GCM1: variants seen among roughly 807,000 people sequenced by gnomAD.
GCM1 encodes the protein GCM transcription factor 1.
A neutral mutation model predicts 25.7 loss-of-function variants in GCM1; 2 were observed. The ratio of observed to expected loss-of-function variants is 0.08; its 90% CI spans 0.03 to 0.24. The LOEUF (loss-of-function observed/expected upper bound fraction) is 0.24, where lower values mean the gene tolerates loss of function less well. GCM1 is among the 10% of genes least tolerant of loss of function. The probability of loss-of-function intolerance (pLI) is 1.00; values close to 1 mark genes in which losing one functional copy is unlikely to be tolerated. For missense variants in GCM1, 395 were observed against 538.7 expected, an observed-to-expected ratio of 0.73 and a Z score of 2.64; for synonymous variants, 183 against 195.7, an observed-to-expected ratio of 0.94 and a Z score of 0.54.
Position 53,128,792 on chromosome 6 carries a change from T to C in GCM1, c.725A>G (p.Tyr242Cys), listed in dbSNP as rs1763684168. 6.2e-7 allele frequency: 1 copy of C among 1,612,972 alleles called. No homozygotes were observed. The highest frequency in any genetic ancestry group is 8.5e-7 in the Non-Finnish European group (1 of 1,178,942). ...LNDCFSFSKSYGLGGITDLTD... is the reference protein window; with the variant it reads ...LNDCFSFSKSCGLGGITDLTD... ...CAGATCTGTGATTCCTCCCAGACCA[T>C]AACTCTTGGAGAAGGAAAAGCAATC... Residue 242 changes from tyrosine to cysteine, a missense_variant, in exon 6 of 6, where the codon TAT (tyrosine) becomes TGT (cysteine). Coordinates refer to ENST00000259803, the MANE Select transcript of GCM1 (RefSeq NM_003643.4).
chr6:53,146,816 T>A (rs1763964151), intron 1 of GCM1, among the ~76,000 whole-genome samples: 1 of 152,110 alleles, frequency 6.6e-6, no homozygotes, highest in South Asian at 2.1e-4. Context: ...ATGTATCACT[T>A]AAGTCTATGA....
In GCM1 at chr6:53,128,898, A is replaced by G. The variant is rs1763687074; in HGVS notation, c.619T>C (p.Ser207Pro). ...GGCAATTGGACGCCTTCCTGGAAAG[A>G]CCAAGTTAAAGGTAAACTCCCCTGA... Reference protein sequence around the residue: ...QSQGSLPLTWSFQEGVQLPGS... With the variant: ...QSQGSLPLTWPFQEGVQLPGS... Residue 207 changes from serine (S) to proline (P), a missense_variant, in exon 6 of 6, where the codon TCT (serine) becomes CCT (proline). Around this residue, in one of 5 missense-constraint regions of GCM1, gnomAD observed 291 missense variants for 314.6 expected, o/e 0.92. Transcript: ENST00000259803. The G allele has an allele frequency of 6.2e-7, 1 of 1,613,040 alleles. No individual in the cohort carries two copies. Among genetic ancestry groups the G allele is most frequent in the Admixed American group, 1.7e-5 (1 of 59,996 alleles).
At position 53,130,838 on chromosome 6, in the gene GCM1, C is replaced by T. The variant is rs199724971; in HGVS notation, c.535G>A (p.Val179Ile). Reference protein sequence around the residue: ...MKKVNTAPSSVSLSLKGSTET... With the variant: ...MKKVNTAPSSISLSLKGSTET... Reference sequence around the variant, plus strand: ...GTGCTCCCCTTCAGGCTCAATGAGACGGAGGAAGGTGCTGTGTTCACTTTC... The same window carrying T: ...GTGCTCCCCTTCAGGCTCAATGAGATGGAGGAAGGTGCTGTGTTCACTTTC... The change falls in exon 5 of 6, where the codon GTC becomes ATC. Residue 179 changes from valine to isoleucine, a missense_variant. Physicochemically the swap from Val to Ile is conservative, Grantham distance 29 (BLOSUM62 3). Around this residue, in one of 5 missense-constraint regions of GCM1, gnomAD observed 291 missense variants for 314.6 expected, o/e 0.92. Coordinates refer to ENST00000259803, the MANE Select transcript of GCM1 (RefSeq NM_003643.4). 352 of 1,613,796 alleles carry T rather than the reference C, an allele frequency of 2.2e-4. 1 individual carries two copies. The highest frequency in any genetic ancestry group is 4.5e-4 in the South Asian group (41 of 91,076).
Position 53,134,133 on chromosome 6 carries a change from C to T in GCM1, c.267G>A (p.Glu89=), listed in dbSNP as rs1000881336. ...VVVCGRDCLA[E]EGRKIYLRPA... ...GTCTCAGGTAGATCTTGCGCCCCTC[C>T]TCTGCGAGACAGTCGCGGCCGCACA... Residue 89 remains glutamate, a synonymous_variant, in exon 3 of 6, where the codon GAG becomes GAA. Transcript: ENST00000259803. 3.1e-5 allele frequency: 50 copies of T among 1,614,068 alleles called. No homozygotes were observed. Among genetic ancestry groups the T allele is most frequent in the Non-Finnish European group, 4.2e-5 (49 of 1,180,032 alleles).
chr6:53,144,567 T>TG (rs11384769), intron 2 of GCM1, among the ~76,000 whole-genome samples: 150,875 of 152,078 alleles, frequency 0.99, 74,851 homozygotes, highest in Middle Eastern at 1. Flanking sequence ...CAGAAGCGAG[T>TG]GATTGCTTGA....
chr6:53,129,084 C>T, intron 5 of GCM1, 138 bp from the exon 6 acceptor site: 1 of 664,628 alleles, frequency 1.5e-6, no homozygotes, highest in Non-Finnish European at 2.6e-6. Context: ...ACTTGACGCA[C>T]AAACACATGC....
chr6:53,142,781 A>G (rs190705311), intron 2 of GCM1, among the ~76,000 whole-genome samples: 2 of 150,896 alleles, frequency 1.3e-5, no homozygotes, highest in East Asian at 2.0e-4. Flanking sequence ...TATTAGAACT[A>G]ATAGGTACAT....
intron 2 of GCM1, among the ~76,000 whole-genome samples, chr6:53,140,985 C>T (rs1763863551): frequency 6.6e-6 from 1 of 152,186 alleles, no homozygotes; most frequent in Non-Finnish European, 1.5e-5. Context: ...CAAATAATGA[C>T]ATAAATAATA....
intron 2 of GCM1, among the ~76,000 whole-genome samples, chr6:53,139,264 A>G (rs1763841378): frequency 6.6e-6 from 1 of 152,176 alleles, no homozygotes; most frequent in Non-Finnish European, 1.5e-5. Flanking sequence ...ATTTACATAC[A>G]ACTTTTCAGG....
At chr6:53,142,870 C>CAAAAAAAAAAAAAAAAAAAAAAAAAAAA (rs60718730) in intron 2 of GCM1, among the ~76,000 whole-genome samples, 1 of 37,534 alleles carries the variant, frequency 2.7e-5, no homozygotes, top group Non-Finnish European at 6.0e-5. Flanking sequence ...CAAGGATCTC[C>CAAAAAAAAAAAAAAAAAAAAAAAAAAAA]AAAAAAAAAA....
Position 53,134,537 on chromosome 6 carries a change from C to T in GCM1, c.76-213G>A, listed in dbSNP as rs146022163. On this transcript the variant is annotated intron_variant, in intron 2 of 5. Coordinates refer to ENST00000259803, the MANE Select transcript of GCM1 (RefSeq NM_003643.4). Reference sequence around the variant, plus strand: ...GTGCTGTGTCTGTCAGGCATTCAGCCGCTGGACCAAAATAAATGATAGCCC... The same window carrying T: ...GTGCTGTGTCTGTCAGGCATTCAGCTGCTGGACCAAAATAAATGATAGCCC... Among the ~76,000 whole-genome samples, 55 of 152,312 alleles carry T rather than the reference C, an allele frequency of 3.6e-4. 2 individuals are homozygous for T. The East Asian group carries it at 0.01, about 28-fold the overall frequency.
At chr6:53,139,826 A>G (rs1187987203) in intron 2 of GCM1, among the ~76,000 whole-genome samples, 1 of 152,086 alleles carries the variant, frequency 6.6e-6, no homozygotes, top group African/African-American at 2.4e-5. Context: ...ACACCATTGC[A>G]CTCCAGCCTG....
At chr6:53,145,271 G>A (rs1763938151) in intron 2 of GCM1, among the ~76,000 whole-genome samples, 1 of 152,182 alleles carries the variant, frequency 6.6e-6, no homozygotes, top group Admixed American at 6.6e-5. Flanking sequence ...ATACTGTCTA[G>A]CCAGAGTGAG....
intron 1 of GCM1, among the ~76,000 whole-genome samples, chr6:53,147,299 A>G (rs1763971172): frequency 6.6e-6 from 1 of 152,086 alleles, no homozygotes; most frequent in Admixed American, 6.6e-5. Context: ...ATTTATTGGT[A>G]CTCTTATAAA....
At position 53,128,902 on chromosome 6, in the gene GCM1, A is replaced by G; in HGVS notation, c.615T>C (p.Thr205=). 1 of 1,613,262 alleles carries G rather than the reference A, an allele frequency of 6.2e-7. No individual in the cohort carries two copies. Among genetic ancestry groups the G allele is most frequent in the Middle Eastern group, 1.7e-4 (1 of 6,050 alleles). ...ATTGGACGCCTTCCTGGAAAGACCA[A>G]GTTAAAGGTAAACTCCCCTGACTTT... The part of the protein sequence containing the change: ...ETQSQGSLPL[T]WSFQEGVQLP... Residue 205 remains threonine, a synonymous_variant, in exon 6 of 6, where the codon ACT becomes ACC. Transcript: ENST00000259803.
chr6:53,128,085 CTA>C lies in GCM1; in HGVS notation c.*119_*120del. 1 of 354,034 alleles carries C rather than the reference CTA, an allele frequency of 2.8e-6. No individual in the cohort carries two copies. Among genetic ancestry groups the C allele is most frequent in the Non-Finnish European group, 5.1e-6 (1 of 194,868 alleles). The allele number at this position is 354,034 out of a possible 1,614,324, so 21.9% of individuals were successfully genotyped here. On this transcript the variant is annotated 3_prime_UTR_variant, in exon 6 of 6. Coordinates refer to ENST00000259803, the MANE Select transcript of GCM1 (RefSeq NM_003643.4). Reference sequence around the variant, plus strand: ...AAAAAGAAAAAGAAAAAAGCCTTGTCTACTGCTTATCATGATTCTCATTTATC... The same window carrying C: ...AAAAAGAAAAAGAAAAAAGCCTTGTCCTGCTTATCATGATTCTCATTTATC...
chr6:53,140,561 G>A (rs1361956909), intron 2 of GCM1, among the ~76,000 whole-genome samples: 1 of 143,102 alleles, frequency 7.0e-6, no homozygotes. Context: ...CTTAAACCTT[G>A]TAATTTTGTG....
intron 1 of GCM1, 52 bp from the exon 2 acceptor site, chr6:53,145,820 A>C (rs1312706209): frequency 2.1e-5 from 10 of 482,786 alleles, no homozygotes; most frequent in South Asian, 6.7e-5. Context: ...TTAAAAAAAA[A>C]CCCCAATGCT....
Position 53,128,448 on chromosome 6 carries a change from G to T in GCM1, c.1069C>A (p.Pro357Thr). 6.2e-7 allele frequency: 1 copy of T among 1,614,064 alleles called. No homozygotes were observed. The highest frequency in any genetic ancestry group is 8.5e-7 in the Non-Finnish European group (1 of 1,179,942). ...TCATAAAGATTACCCGCTGGATTTG[G>T]CCATAATGGGGGACAGCCAGTTTTG... ...AAKTGCPPLW[P>T]NPAGNLYEEK... is the part of the protein sequence containing the mutation. The change falls in exon 6 of 6, where the codon CCA becomes ACA. Residue 357 changes from proline to threonine, a missense_variant. By Grantham distance (38) the Pro-to-Thr change is conservative. Around this residue, in one of 5 missense-constraint regions of GCM1, gnomAD observed 291 missense variants for 314.6 expected, o/e 0.92. Transcript: ENST00000259803.
Sources: gnomAD v4.1 joint callset for allele counts (sites outside exome capture counted in the v4.1 genomes callset) on GRCh38, gnomAD v4.1.1 for gene constraint, gnomAD v4.1.1 regional missense constraint, MANE v1.5 for transcripts, NCBI Gene and HGNC (gene_info 2026-07-23, HGNC 2026-07-21) for gene names.